CIRSR: variants seen among roughly 807,000 people sequenced by gnomAD.
The protein encoded by CIRSR is corepressor of RBPJ and splicing regulator, also known as CBF1 (RBPJ) interacting corepressor 1.
chr2:174,358,157 G>A, the CIRSR span: 1 of 152,194 alleles, frequency 6.6e-6, no homozygotes, highest in Admixed American at 6.5e-5. Context: ...AAAGAAATAT[G>A]AAACTGTCCT....
chr2:174,353,276 T>C, the CIRSR span, among the ~76,000 whole-genome samples: 1 of 152,220 alleles, frequency 6.6e-6, no homozygotes, highest in African/African-American at 2.4e-5. Flanking sequence ...TAATATTTCA[T>C]TTTAAACCAA....
chr2:174,375,698 C>T, the CIRSR span, among the ~76,000 whole-genome samples: 1 of 152,096 alleles, frequency 6.6e-6, no homozygotes, highest in Non-Finnish European at 1.5e-5. Context: ...TACCAAGGTT[C>T]GATGGGCAAA....
chr2:174,382,166 G>C, the CIRSR span, among the ~76,000 whole-genome samples: 27 of 152,228 alleles, frequency 1.8e-4, no homozygotes, highest in African/African-American at 5.8e-4. Context: ...ACTTTTTCTT[G>C]ATTGTAAGGG....
At chr2:174,349,523 C>T in the CIRSR span, among the ~76,000 whole-genome samples, 8 of 142,068 alleles carry the variant, frequency 5.6e-5, no homozygotes, top group Non-Finnish European at 1.1e-4. Flanking sequence ...CAAAATCATG[C>T]CACTGCACTC....
chr2:174,387,699 T>C, the CIRSR span: 1 of 1,586,606 alleles, frequency 6.3e-7, no homozygotes, highest in Admixed American at 1.8e-5. Context: ...TATCATATGA[T>C]TCTTGTTCTT....
chr2:174,371,087 A>C, the CIRSR span, among the ~76,000 whole-genome samples: 1 of 152,298 alleles, frequency 6.6e-6, no homozygotes, highest in South Asian at 2.1e-4. Context: ...AGAGTAGGCA[A>C]ATCTATAGAG....
At chr2:174,364,233 C>G in the CIRSR span, among the ~76,000 whole-genome samples, 15 of 152,204 alleles carry the variant, frequency 9.9e-5, no homozygotes, top group Non-Finnish European at 1.8e-4. Context: ...AAAATGATCT[C>G]CTTTGACTCC....
At chr2:174,367,965 C>T in the CIRSR span, among the ~76,000 whole-genome samples, 2 of 152,032 alleles carry the variant, frequency 1.3e-5, no homozygotes, top group African/African-American at 4.8e-5. Context: ...CAAGGAAAAT[C>T]ATCAAGGATA....
chr2:174,378,967 CCAAA>C, the CIRSR span: 3 of 1,613,584 alleles, frequency 1.9e-6, no homozygotes, highest in African/African-American at 1.3e-5. Context: ...TCCAGAAAGA[CCAAA>C]CAAAGGACAT....
chr2:174,381,059 G>A, the CIRSR span, among the ~76,000 whole-genome samples: 3 of 152,154 alleles, frequency 2.0e-5, no homozygotes, highest in Admixed American at 2.0e-4. Flanking sequence ...CATTGACAGT[G>A]AATATTATGT....
the CIRSR span, among the ~76,000 whole-genome samples, chr2:174,390,519 A>G: frequency 6.6e-6 from 1 of 152,150 alleles, no homozygotes; most frequent in East Asian, 1.9e-4. Context: ...GAGACTTTGG[A>G]CTTAGACATT....
At chr2:174,379,040 C>T in the CIRSR span, 1 of 1,602,712 alleles carries the variant, frequency 6.2e-7, no homozygotes, top group African/African-American at 1.3e-5. Context: ...ACATTTCGAA[C>T]CTGAGAAATA....
At chr2:174,365,828 C>A in the CIRSR span, among the ~76,000 whole-genome samples, 1 of 152,128 alleles carries the variant, frequency 6.6e-6, no homozygotes, top group Admixed American at 6.6e-5. Flanking sequence ...ACAGCCAAAC[C>A]ATATCATATG....
At chr2:174,356,160 G>C in the CIRSR span, among the ~76,000 whole-genome samples, 6 of 152,044 alleles carry the variant, frequency 3.9e-5, no homozygotes, top group Admixed American at 6.6e-5. Context: ...GGTTAGGTAA[G>C]GCTGAATTAG....
At chr2:174,348,161 G>A in the CIRSR span, 1 of 207,134 alleles carries the variant, frequency 4.8e-6, no homozygotes, top group South Asian at 1.5e-4. Flanking sequence ...TCAATGTACT[G>A]TCATTCTTTT....
the CIRSR span, among the ~76,000 whole-genome samples, chr2:174,360,236 T>G: frequency 6.6e-6 from 1 of 151,210 alleles, no homozygotes. Flanking sequence ...TGGTGTGTAA[T>G]ATTGAGAGTT....
chr2:174,352,968 T>A, the CIRSR span, among the ~76,000 whole-genome samples: 1 of 152,252 alleles, frequency 6.6e-6, no homozygotes, highest in Admixed American at 6.5e-5. Flanking sequence ...CTCACCTGCA[T>A]ATTATCATGG....
the CIRSR span, among the ~76,000 whole-genome samples, chr2:174,386,621 C>T: frequency 2.6e-5 from 4 of 152,140 alleles, no homozygotes; most frequent in South Asian, 8.3e-4. Context: ...CACCCCAGTC[C>T]GCAGTTGTGA....
the CIRSR span, among the ~76,000 whole-genome samples, chr2:174,354,770 A>ATT: frequency 9.6e-6 from 1 of 104,394 alleles, no homozygotes; most frequent in Non-Finnish European, 1.8e-5. Flanking sequence ...ATATATATAT[A>ATT]TTTTTTTTTT....
Sources: gnomAD v4.1 joint callset for allele counts (sites outside exome capture counted in the v4.1 genomes callset) on GRCh38, gnomAD v4.1.1 for gene constraint, MANE v1.5 for transcripts, NCBI Gene and HGNC (gene_info 2026-07-23, HGNC 2026-07-21) for gene names.